The following ERO1A variants were observed in gnomAD, a reference collection of about 807,000 sequenced individuals.
ERO1A encodes endoplasmic reticulum oxidoreductase 1 alpha, also known as ERO1-like protein alpha.
ERO1A carries 49 observed loss-of-function variants against 76.9 expected under a neutral mutation model. The observed-to-expected ratio is 0.64, with a 90% CI of 0.51 to 0.81. The LOEUF (loss-of-function observed/expected upper bound fraction) is 0.81, where lower values mean the gene tolerates loss of function less well. ERO1A is among the 30% of genes least tolerant of loss of function. The probability of loss-of-function intolerance (pLI) is 0.00; values close to 1 mark genes in which losing one functional copy is unlikely to be tolerated. For synonymous variants in ERO1A, 174 were observed against 181.2 expected (o/e 0.96, Z 0.32); for missense variants, 448 against 542.1 (o/e 0.83, Z 1.72).
intron 9 of ERO1A, among the ~76,000 whole-genome samples, chr14:52,660,995 C>T (rs2040213430): frequency 6.6e-6 from 1 of 152,130 alleles, no homozygotes; most frequent in South Asian, 2.1e-4. Flanking sequence ...AGAGAGAGGA[C>T]ATTTCCCTGG....
At chr14:52,682,225 C>A in intron 3 of ERO1A, 100 bp downstream of exon 3, 3 of 893,568 alleles carry the variant, frequency 3.4e-6, no homozygotes, top group Non-Finnish European at 5.2e-6. Context: ...GAAACCTCAT[C>A]TCTATTTTTT....
intron 3 of ERO1A, among the ~76,000 whole-genome samples, chr14:52,681,858 T>C (rs189933976): frequency 4.6e-5 from 7 of 152,214 alleles, no homozygotes; most frequent in Admixed American, 3.9e-4. Flanking sequence ...TATTATGCTA[T>C]ATATATAACT....
chr14:52,666,234 A>G (rs2040405530), intron 7 of ERO1A, 141 bp downstream of exon 7: 1 of 664,826 alleles, frequency 1.5e-6, no homozygotes, highest in Non-Finnish European at 2.5e-6. Context: ...AAACTGGATT[A>G]ATGAATAGTC....
At chr14:52,671,554 A>T in intron 6 of ERO1A, 76 bp downstream of exon 6, 1 of 1,011,572 alleles carries the variant, frequency 9.9e-7, no homozygotes, top group Non-Finnish European at 1.5e-6. Context: ...CACCATGCCC[A>T]GATTAAAATA....
At position 52,653,221 on chromosome 14, in the gene ERO1A, A is replaced by T; in HGVS notation, c.903T>A (p.Leu301=). The part of the protein sequence containing the change: ...ILTEGEGPRR[L]KNLYFLYLIE... Reference sequence around the variant, plus strand: ...TTAAGTAGAGAAAATACAAGTTCTTAAGCCTTCTTGGACCTTCTCCTTCAG... The same window carrying T: ...TTAAGTAGAGAAAATACAAGTTCTTTAGCCTTCTTGGACCTTCTCCTTCAG... Residue 301 remains leucine, a synonymous_variant, in exon 12 of 16, where the codon CTT becomes CTA. Coordinates refer to ENST00000395686, the MANE Select transcript of ERO1A (RefSeq NM_014584.3). 2 of 1,613,040 alleles carry T rather than the reference A, an allele frequency of 1.2e-6. No individual in the cohort carries two copies. Among genetic ancestry groups the T allele is most frequent in the Non-Finnish European group, 1.7e-6 (2 of 1,179,282 alleles).
intron 6 of ERO1A, among the ~76,000 whole-genome samples, chr14:52,668,141 A>G (rs2040473250): frequency 6.6e-6 from 1 of 152,216 alleles, no homozygotes; most frequent in Non-Finnish European, 1.5e-5. Flanking sequence ...ACAAATTAGC[A>G]TGGAATCATC....
chr14:52,677,637 G>A (rs2040835671), intron 4 of ERO1A, among the ~76,000 whole-genome samples: 1 of 151,820 alleles, frequency 6.6e-6, no homozygotes, highest in Non-Finnish European at 1.5e-5. Context: ...GGCTGAGGGA[G>A]GAGGATCACT....
rs115104075 is a variant in ERO1A at position 52,684,883 on chromosome 14, T to C, written c.115-976A>G. ...TTATTTGAGCTAGAAAAACATCTAA[T>C]AGAACTAAAGATTGCTTTAAGAAAC... On this transcript the variant is annotated intron_variant, in intron 1 of 15. Transcript: ENST00000395686. 1.9e-3 allele frequency among the ~76,000 whole-genome samples: 291 copies of C among 152,138 alleles called. 1 individual carries two copies. The highest frequency in any genetic ancestry group is 6.6e-3 in the African/African-American group (274 of 41,532).
At chr14:52,660,287 G>A (rs1322193475) in intron 9 of ERO1A, among the ~76,000 whole-genome samples, 1 of 151,416 alleles carries the variant, frequency 6.6e-6, no homozygotes, top group East Asian at 1.9e-4. Flanking sequence ...CTCTAAGGAT[G>A]GCTCCCACAG....
intron 1 of ERO1A, among the ~76,000 whole-genome samples, chr14:52,693,056 T>C (rs910621967): frequency 2.8e-5 from 4 of 141,282 alleles, no homozygotes; most frequent in Non-Finnish European, 6.0e-5. Flanking sequence ...ATGAAATAAG[T>C]AGACCATTCT....
At chr14:52,657,867 A>C in intron 11 of ERO1A, 50 bp downstream of exon 11, 1 of 1,309,356 alleles carries the variant, frequency 7.6e-7, no homozygotes, top group Non-Finnish European at 1.1e-6. Context: ...AAATTTTAAG[A>C]ATATCTAAAA....
rs139164888 is a variant in ERO1A, at chr14:52,671,688, C to T, written c.450G>A (p.Lys150=). The change falls in exon 6 of 16, where the codon AAG becomes AAA. Residue 150 remains lysine (K), a synonymous_variant. Coordinates refer to ENST00000395686, the MANE Select transcript of ERO1A (RefSeq NM_014584.3). ...CATGCTTGGTCCACTGAAGAACAGCCTTCTGTGTTTCCTCACTTCAAACAA... is the reference window on the plus strand; with the variant it reads ...CATGCTTGGTCCACTGAAGAACAGCTTTCTGTGTTTCCTCACTTCAAACAA... ...VDESLSEETQ[K]AVLQWTKHDD... 428 of 1,606,060 alleles carry T rather than the reference C, an allele frequency of 2.7e-4. 2 individuals are homozygous for T. The African/African-American group carries it at 5.1e-3, about 19-fold the overall frequency.
chr14:52,666,494 G>A lies in ERO1A; in HGVS notation c.510C>T (p.Asp170=), dbSNP rs540066207. 21 of 1,604,454 alleles carry A rather than the reference G, an allele frequency of 1.3e-5. 1 individual carries two copies. In the South Asian group the frequency reaches 2.1e-4, roughly 16 times the overall value. The change falls in exon 7 of 16, where the codon GAC becomes GAT. Residue 170 remains aspartate (D), a splice_region_variant and synonymous_variant. Transcript: ENST00000395686. ...CATATTCAGCTTCAGGGGACTGAAT[G>A]TCTGTAAAATAAAATGTCTTATTAA... The part of the protein sequence containing the change: ...DSSDNFCEAD[D]IQSPEAEYVD...
chr14:52,643,509 A>C lies in ERO1A; in HGVS notation c.*61T>G. Reference sequence around the variant, plus strand: ...GACTGTCATTGCTATTATGCCTTTGAATGAAATTCCACTCTTTCGCCTCCA... The same window carrying C: ...GACTGTCATTGCTATTATGCCTTTGCATGAAATTCCACTCTTTCGCCTCCA... On this transcript the variant is annotated 3_prime_UTR_variant, in exon 16 of 16. Transcript: ENST00000395686. 1 of 1,152,172 alleles carries C rather than the reference A, an allele frequency of 8.7e-7. No homozygotes were observed. Among genetic ancestry groups the C allele is most frequent in the Non-Finnish European group, 1.2e-6 (1 of 832,104 alleles). 71.4% of individuals were successfully genotyped at this position (1,152,172 alleles called of 1,614,324 possible).
chr14:52,644,245 G>T (rs2065049), intron 15 of ERO1A, among the ~76,000 whole-genome samples: 2 of 151,936 alleles, frequency 1.3e-5, no homozygotes, highest in African/African-American at 2.4e-5. Flanking sequence ...CTTGAGTCCA[G>T]GAGTTTGAGA....
intron 2 of ERO1A, among the ~76,000 whole-genome samples, chr14:52,683,091 C>A (rs966187698): frequency 6.6e-6 from 1 of 152,006 alleles, no homozygotes; most frequent in African/African-American, 2.4e-5. Flanking sequence ...GCCTGTAATC[C>A]CAGTTACTTG....
At chr14:52,643,904 A>G (rs2039556981) in intron 15 of ERO1A, among the ~76,000 whole-genome samples, 2 of 152,160 alleles carry the variant, frequency 1.3e-5, no homozygotes, top group African/African-American at 4.8e-5. Flanking sequence ...TTTTGAGGCC[A>G]AGACGGGAGA....
At chr14:52,687,519 A>G (rs1430321602) in intron 1 of ERO1A, among the ~76,000 whole-genome samples, 1 of 152,190 alleles carries the variant, frequency 6.6e-6, no homozygotes, top group African/African-American at 2.4e-5. Flanking sequence ...ACAAAGCAAA[A>G]TCCTATTACC....
rs1433366083 is a variant in ERO1A at position 52,642,029 on chromosome 14, T to A, written c.*1541A>T. On this transcript the variant is annotated 3_prime_UTR_variant, in exon 16 of 16. Transcript: ENST00000395686. The stretch of plus-strand genomic sequence containing the variant: ...AATAAACCCCACTTTACTACTAATG[T>A]GACATTTCAACATGTTATACCTGAT... 1 of 152,308 alleles carries A rather than the reference T, an allele frequency of 6.6e-6. No individual in the cohort carries two copies. Among genetic ancestry groups the A allele is most frequent in the Admixed American group, 6.5e-5 (1 of 15,296 alleles). 9.4% of individuals were successfully genotyped at this position (152,308 alleles called of 1,614,324 possible).
Sources: allele counts gnomAD v4.1 joint callset (sites outside exome capture counted in the v4.1 genomes callset), GRCh38; gene constraint gnomAD v4.1.1; transcripts MANE v1.5; gene names NCBI Gene and HGNC (gene_info 2026-07-23, HGNC 2026-07-21).